Variants in ZNF215 observed in about 807,000 individuals in gnomAD.
The protein encoded by ZNF215 is BWSCR2-associated zinc finger protein 2.
ZNF215 carries 24 observed loss-of-function variants against 27.2 expected under a neutral mutation model. The ratio of observed to expected loss-of-function variants is 0.88; its 90% CI spans 0.64 to 1.24. The LOEUF (loss-of-function observed/expected upper bound fraction) is 1.24, where lower values mean the gene tolerates loss of function less well. ZNF215 is among the 50% of genes most tolerant of loss of function. The pLI is 0.00. For synonymous variants in ZNF215, 210 were observed against 204.0 expected (o/e 1.03, Z -0.25); for missense variants, 675 against 605.7 (o/e 1.11, Z -1.20).
At chr11:6,948,732 T>C (rs1849922098) in intron 6 of ZNF215, among the ~76,000 whole-genome samples, 1 of 152,072 alleles carries the variant, frequency 6.6e-6, no homozygotes. Context: ...AAAAAGTCAG[T>C]GAAATTTAAT....
At chr11:6,949,618 G>C (rs1362813322) in intron 6 of ZNF215, among the ~76,000 whole-genome samples, 1 of 152,148 alleles carries the variant, frequency 6.6e-6, no homozygotes, top group Non-Finnish European at 1.5e-5. Context: ...GTTCATTGTA[G>C]ATTCTGGATA....
At chr11:6,955,019 G>A (rs1850269045) in intron 6 of ZNF215, among the ~76,000 whole-genome samples, 1 of 152,202 alleles carries the variant, frequency 6.6e-6, no homozygotes, top group Non-Finnish European at 1.5e-5. Flanking sequence ...GAAAGGAAGA[G>A]ACCCAATCTT....
chr11:6,943,014 A>T, intron 4 of ZNF215, 69 bp from the exon 5 acceptor site: 3 of 1,564,876 alleles, frequency 1.9e-6, no homozygotes, highest in Non-Finnish European at 2.6e-6. Context: ...TATTCCTTCA[A>T]ATCCATTCCT....
chr11:6,945,083 C>T (rs1849771794), intron 6 of ZNF215, among the ~76,000 whole-genome samples: 1 of 152,124 alleles, frequency 6.6e-6, no homozygotes, highest in Non-Finnish European at 1.5e-5. Context: ...AAATTGTCTA[C>T]AGAAAGGTTA....
chr11:6,989,580 G>T (rs761669987), downstream of ZNF215, among the ~76,000 whole-genome samples: 2 of 152,148 alleles, frequency 1.3e-5, no homozygotes, highest in Non-Finnish European at 2.9e-5. Flanking sequence ...GTATGTTTGA[G>T]ATTGATTCAG....
downstream of ZNF215, among the ~76,000 whole-genome samples, chr11:6,987,813 A>C (rs1372250811): frequency 1.3e-5 from 2 of 152,160 alleles, no homozygotes; most frequent in Non-Finnish European, 2.9e-5. Context: ...TCTTCTTTCA[A>C]ATTGCACCCC....
intron 6 of ZNF215, among the ~76,000 whole-genome samples, chr11:6,945,594 CACTTG>C (rs1166670739): frequency 2.0e-5 from 3 of 152,234 alleles, no homozygotes; most frequent in Non-Finnish European, 2.9e-5. Context: ...TTCCTTATCT[CACTTG>C]AATTCTCAGC....
At chr11:6,931,905 G>A (rs895331794) in intron 2 of ZNF215, among the ~76,000 whole-genome samples, 189 bp from the exon 3 acceptor site, 1 of 152,120 alleles carries the variant, frequency 6.6e-6, no homozygotes, top group African/African-American at 2.4e-5. Context: ...CTATTCGTGT[G>A]TGTTTCTTTG....
intron 5 of ZNF215, among the ~76,000 whole-genome samples, chr11:6,983,864 C>G (rs1352921288): frequency 6.6e-6 from 1 of 151,626 alleles, no homozygotes; most frequent in East Asian, 1.9e-4. Context: ...GAATATAATC[C>G]AAAATTCTAC....
chr11:6,981,779 T>G (rs1290650525), intron 5 of ZNF215, among the ~76,000 whole-genome samples: 3 of 152,114 alleles, frequency 2.0e-5, no homozygotes, highest in Non-Finnish European at 4.4e-5. Context: ...TTGAATTAAT[T>G]TTTGTATAAG....
At chr11:6,984,087 A>G (rs1478641769) in intron 5 of ZNF215, 5 of 402,596 alleles carry the variant, frequency 1.2e-5, no homozygotes, top group Non-Finnish European at 1.9e-5. Context: ...ATATTTCAGG[A>G]AGATAATTTG....
At chr11:6,937,001 T>G (rs1432699727) in intron 3 of ZNF215, among the ~76,000 whole-genome samples, 1 of 151,990 alleles carries the variant, frequency 6.6e-6, no homozygotes, top group Non-Finnish European at 1.5e-5. Flanking sequence ...GTGAAAGCTT[T>G]GTTCTTAGAA....
rs1047221622 is a variant in ZNF215, at chr11:6,954,851, G to A, written c.713-839G>A. On this transcript the variant is annotated intron_variant, in intron 6 of 6. Coordinates refer to ENST00000278319, the MANE Select transcript of ZNF215 (RefSeq NM_013250.4). ...TCACTCACGCTGGGAGCTGTAGACCGGAGCTGTTCCTATTCGGCCATCTTG... is the reference window on the plus strand; with the variant it reads ...TCACTCACGCTGGGAGCTGTAGACCAGAGCTGTTCCTATTCGGCCATCTTG... Among the ~76,000 whole-genome samples the A allele has an allele frequency of 8.5e-5, 13 of 152,182 alleles. 1 individual carries two copies. Among genetic ancestry groups the A allele is most frequent in the Middle Eastern group, 6.3e-3 (2 of 316 alleles).
chr11:6,986,905 AG>A (rs1339168141), downstream of ZNF215, among the ~76,000 whole-genome samples: 1 of 151,964 alleles, frequency 6.6e-6, no homozygotes, highest in African/African-American at 2.4e-5. Flanking sequence ...GTTTCCCTGC[AG>A]AGAAAAGGGA....
chr11:6,943,877 G>A (rs1849722967), intron 6 of ZNF215, among the ~76,000 whole-genome samples: 1 of 152,200 alleles, frequency 6.6e-6, no homozygotes, highest in Admixed American at 6.5e-5. Context: ...ACCTGAGAGA[G>A]CCTTTCTGCC....
intron 5 of ZNF215, among the ~76,000 whole-genome samples, chr11:6,977,602 C>A (rs1432503403): frequency 6.6e-6 from 1 of 151,722 alleles, no homozygotes; most frequent in Non-Finnish European, 1.5e-5. Flanking sequence ...AGATTTGGAC[C>A]CACAGAGAGA....
At chr11:6,926,734 G>A (rs2279533) in intron 1 of ZNF215, 49 bp downstream of exon 1, 44,239 of 152,170 alleles carry the variant, frequency 0.29, 7,353 homozygotes, top group African/African-American at 0.45. Context: ...CACGGGTATC[G>A]TTCTCGTCAG....
Position 6,943,235 on chromosome 11 carries a change from C to G in ZNF215, c.616+20C>G, listed in dbSNP as rs778976266. The G allele has an allele frequency of 1.9e-6, 3 of 1,597,048 alleles. No individual in the cohort carries two copies. The highest frequency in any genetic ancestry group is 1.8e-5 in the Admixed American group (1 of 56,516). ...GTAAAGGTGGTTTCTATATGTTTAC[C>G]TAATCTGTCCATTTAGTAATCTCTT... On this transcript the variant is annotated intron_variant, in intron 5 of 6. Transcript: ENST00000278319.
intron 2 of ZNF215, among the ~76,000 whole-genome samples, chr11:6,928,759 G>C (rs1236747989): frequency 6.6e-6 from 1 of 151,998 alleles, no homozygotes; most frequent in Non-Finnish European, 1.5e-5. Context: ...TACTTTCAAA[G>C]TATCTGGGCC....
Sources: gnomAD v4.1 joint callset for allele counts (sites outside exome capture counted in the v4.1 genomes callset) on GRCh38, gnomAD v4.1.1 for gene constraint, MANE v1.5 for transcripts, NCBI Gene and HGNC (gene_info 2026-07-23, HGNC 2026-07-21) for gene names.